Variants in NRG3 observed in about 807,000 individuals in gnomAD.
NRG3 encodes the protein pro-neuregulin-3, membrane-bound isoform.
In NRG3, 31 loss-of-function variants were observed where a neutral mutation model predicts 66.9. The observed-to-expected ratio is 0.46, with a 90% CI of 0.35 to 0.63. The LOEUF is 0.63. Ranked by LOEUF, NRG3 falls within the 20% of genes least tolerant of loss-of-function variation. The probability of loss-of-function intolerance (pLI) is 0.00; values close to 1 mark genes in which losing one functional copy is unlikely to be tolerated. For missense variants in NRG3, 910 were observed against 878.9 expected (o/e 1.04, Z -0.45); for synonymous variants, 393 against 359.4 (o/e 1.09, Z -1.06).
chr10:82,630,676 CAAAA>C (rs376169434), intron 2 of NRG3, among the ~76,000 whole-genome samples: 3 of 132,622 alleles, frequency 2.3e-5, no homozygotes, highest in African/African-American at 8.4e-5. Flanking sequence ...GAAACTCTGT[CAAAA>C]AAAAAAAATT....
At chr10:82,737,056 C>T in intron 2 of NRG3, among the ~76,000 whole-genome samples, 1 of 152,042 alleles carries the variant, frequency 6.6e-6, no homozygotes. Context: ...TGACTCAGTA[C>T]AAAGTACACA....
intron 1 of NRG3, among the ~76,000 whole-genome samples, chr10:82,011,021 A>G (rs1272744146): frequency 3.3e-5 from 5 of 152,164 alleles, no homozygotes; most frequent in Non-Finnish European, 2.9e-5. Flanking sequence ...TCAAATAGGT[A>G]ATATTTTGAC....
At chr10:81,928,032 A>G (rs1371428194) in intron 1 of NRG3, among the ~76,000 whole-genome samples, 1 of 152,214 alleles carries the variant, frequency 6.6e-6, no homozygotes, top group African/African-American at 2.4e-5. Context: ...CACCAAATCA[A>G]TACATCTTTA....
At chr10:82,537,515 T>A (rs1430688854) in intron 2 of NRG3, among the ~76,000 whole-genome samples, 1 of 152,158 alleles carries the variant, frequency 6.6e-6, no homozygotes, top group East Asian at 1.9e-4. Flanking sequence ...TAGAGTTTGA[T>A]AAGAGTCAGT....
chr10:82,192,067 T>G (rs916739485), intron 1 of NRG3, among the ~76,000 whole-genome samples: 4 of 152,138 alleles, frequency 2.6e-5, no homozygotes, highest in African/African-American at 9.7e-5. Flanking sequence ...GAAAGGTCTG[T>G]TTTTCAAACT....
chr10:82,836,295 G>A (rs945969348), intron 3 of NRG3, among the ~76,000 whole-genome samples: 1 of 152,140 alleles, frequency 6.6e-6, no homozygotes, highest in Non-Finnish European at 1.5e-5. Flanking sequence ...TTACAGAGAT[G>A]TATTGAGAGT....
intron 4 of NRG3, among the ~76,000 whole-genome samples, chr10:82,937,560 C>G (rs1848203276): frequency 2.0e-5 from 3 of 152,276 alleles, no homozygotes; most frequent in Admixed American, 2.0e-4. Context: ...AGGGGTAGCC[C>G]TCTGCACCAA....
intron 3 of NRG3, among the ~76,000 whole-genome samples, chr10:82,798,355 T>G (rs1048425491): frequency 6.6e-6 from 1 of 152,178 alleles, no homozygotes; most frequent in Non-Finnish European, 1.5e-5. Flanking sequence ...AACTATAAAC[T>G]CTGGACAGAA....
intron 1 of NRG3, among the ~76,000 whole-genome samples, chr10:82,249,119 A>C (rs2077372454): frequency 6.6e-6 from 1 of 152,134 alleles, no homozygotes; most frequent in Non-Finnish European, 1.5e-5. Context: ...TCTTTATTTT[A>C]GGTTTCTTTT....
intron 1 of NRG3, among the ~76,000 whole-genome samples, chr10:82,236,868 A>G (rs1298001566): frequency 6.6e-6 from 1 of 151,866 alleles, no homozygotes; most frequent in African/African-American, 2.4e-5. Flanking sequence ...GACGCCCACC[A>G]CAACGCCCAG....
At chr10:82,917,542 C>T (rs1385812926) in intron 4 of NRG3, among the ~76,000 whole-genome samples, 2 of 152,086 alleles carry the variant, frequency 1.3e-5, no homozygotes, top group Admixed American at 1.3e-4. Flanking sequence ...GGCCCTCTAG[C>T]CATAATCATT....
intron 1 of NRG3, among the ~76,000 whole-genome samples, chr10:82,123,338 T>C (rs1254365139): frequency 1.3e-5 from 2 of 152,196 alleles, no homozygotes. Context: ...ATACTCATTT[T>C]TTCGTTTAAT....
chr10:82,086,610 G>A (rs546649298), intron 1 of NRG3, among the ~76,000 whole-genome samples: 1 of 152,174 alleles, frequency 6.6e-6, no homozygotes, highest in Non-Finnish European at 1.5e-5. Context: ...CCATCATCAA[G>A]GTGGTTCTAA....
chr10:82,647,339 C>CT (rs1230797380), intron 2 of NRG3, among the ~76,000 whole-genome samples: 1 of 152,058 alleles, frequency 6.6e-6, no homozygotes, highest in African/African-American at 2.4e-5. Context: ...TGAACTCATC[C>CT]TTTTTTATGG....
At chr10:82,966,907 C>T (rs1390721740) in intron 6 of NRG3, among the ~76,000 whole-genome samples, 1 of 151,872 alleles carries the variant, frequency 6.6e-6, no homozygotes, top group African/African-American at 2.4e-5. Flanking sequence ...TGTATCAATT[C>T]ACTGTAAGTT....
intron 2 of NRG3, among the ~76,000 whole-genome samples, chr10:82,500,988 A>G (rs1270174496): frequency 2.0e-5 from 3 of 152,084 alleles, no homozygotes; most frequent in Non-Finnish European, 4.4e-5. Flanking sequence ...TAAATAAGAT[A>G]GGGAAAAGAA....
chr10:82,777,023 A>T (rs1818692876), intron 3 of NRG3, among the ~76,000 whole-genome samples: 1 of 152,084 alleles, frequency 6.6e-6, no homozygotes, highest in African/African-American at 2.4e-5. Flanking sequence ...ATATCTGTGC[A>T]TCTAGAGGAA....
intron 1 of NRG3, among the ~76,000 whole-genome samples, chr10:82,179,879 G>A (rs1289958071): frequency 2.6e-5 from 4 of 151,850 alleles, no homozygotes; most frequent in Non-Finnish European, 5.9e-5. Context: ...AAAGTAGAAT[G>A]TATTTCCATT....
intron 1 of NRG3, among the ~76,000 whole-genome samples, chr10:81,923,239 TACTC>T (rs1385245520): frequency 6.6e-6 from 1 of 152,188 alleles, no homozygotes; most frequent in Non-Finnish European, 1.5e-5. Flanking sequence ...CTGCTTTACT[TACTC>T]AATCGAATTT....
Sources: allele counts gnomAD v4.1 joint callset (sites outside exome capture counted in the v4.1 genomes callset), GRCh38; gene constraint gnomAD v4.1.1; transcripts MANE v1.5; gene names NCBI Gene and HGNC (gene_info 2026-07-23, HGNC 2026-07-21).